Variants in PHF24 observed in about 807,000 individuals in gnomAD.
PHF24 encodes Galpha inhibitory interacting protein.
PHF24 carries 25 observed loss-of-function variants against 42.6 expected under a neutral mutation model. That is an observed-to-expected ratio of 0.59 (90% CI 0.43 to 0.82). The LOEUF is 0.82. Ranked by LOEUF, PHF24 falls within the 40% of genes least tolerant of loss-of-function variation. PHF24 has a pLI of 0.00. For synonymous variants in PHF24, 185 were observed against 204.8 expected (o/e 0.90, Z 0.83); for missense variants, 470 against 538.1 (o/e 0.87, Z 1.25).
the PHF24 span, among the ~76,000 whole-genome samples, chr9:34,747,007 G>A: frequency 6.6e-6 from 1 of 152,164 alleles, no homozygotes; most frequent in African/African-American, 2.4e-5. Flanking sequence ...TTAAAATCAA[G>A]ATCTTTTATT....
chr9:34,766,794 A>G, the PHF24 span, among the ~76,000 whole-genome samples: 3 of 152,060 alleles, frequency 2.0e-5, no homozygotes, highest in Non-Finnish European at 2.9e-5. Flanking sequence ...TAGAGTTTCC[A>G]GTTTTTCTGC....
chr9:34,805,056 T>C, the PHF24 span, among the ~76,000 whole-genome samples: 1 of 152,260 alleles, frequency 6.6e-6, no homozygotes, highest in Non-Finnish European at 1.5e-5. Flanking sequence ...TTTTAATGGC[T>C]GAATAATATT....
At chr9:34,795,735 A>G in the PHF24 span, among the ~76,000 whole-genome samples, 1 of 152,144 alleles carries the variant, frequency 6.6e-6, no homozygotes, top group South Asian at 2.1e-4. Context: ...AGTGGCTCAC[A>G]CCTGTAATCC....
At chr9:34,815,289 T>G in the PHF24 span, among the ~76,000 whole-genome samples, 1 of 151,638 alleles carries the variant, frequency 6.6e-6, no homozygotes, top group African/African-American at 2.4e-5. Context: ...TTATTTGGAT[T>G]TGGACTTTGT....
At chr9:34,805,179 AG>A in the PHF24 span, among the ~76,000 whole-genome samples, 1 of 152,136 alleles carries the variant, frequency 6.6e-6, no homozygotes, top group African/African-American at 2.4e-5. Flanking sequence ...TTCATGTAAA[AG>A]TTTTTGTGTG....
At chr9:34,815,383 C>T in the PHF24 span, among the ~76,000 whole-genome samples, 3 of 152,258 alleles carry the variant, frequency 2.0e-5, no homozygotes, top group East Asian at 1.9e-4. Flanking sequence ...AGTGCAGTGG[C>T]GCTATCTTGG....
chr9:34,710,265 G>T, the PHF24 span: 1 of 591,804 alleles, frequency 1.7e-6, no homozygotes, highest in Non-Finnish European at 3.0e-6. Flanking sequence ...CAAACTAAGT[G>T]GACAGTCCTC....
chr9:34,730,176 G>C, the PHF24 span, among the ~76,000 whole-genome samples: 1 of 152,198 alleles, frequency 6.6e-6, no homozygotes, highest in Non-Finnish European at 1.5e-5. Context: ...GCTGTTCATG[G>C]TTGGATGTAT....
the PHF24 span, among the ~76,000 whole-genome samples, chr9:34,845,711 T>C: frequency 6.6e-6 from 1 of 151,180 alleles, no homozygotes; most frequent in African/African-American, 2.4e-5. Context: ...AACTCCTCAT[T>C]TAGCATTAGG....
the PHF24 span, chr9:34,833,577 T>C: frequency 6.4e-7 from 1 of 1,550,778 alleles, no homozygotes; most frequent in African/African-American, 1.4e-5. Context: ...TTCCTTGCCC[T>C]AATGGGAATT....
chr9:34,967,537 G>A (rs888186664), intron 1 of PHF24, among the ~76,000 whole-genome samples: 1 of 152,210 alleles, frequency 6.6e-6, no homozygotes, highest in Non-Finnish European at 1.5e-5. Context: ...TCTGGAAAAT[G>A]TAATTGCTCA....
the PHF24 span, among the ~76,000 whole-genome samples, chr9:34,847,523 A>G: frequency 6.6e-6 from 1 of 151,888 alleles, no homozygotes; most frequent in Non-Finnish European, 1.5e-5. Context: ...GGTTTTCTAG[A>G]TATACAATCA....
At chr9:34,856,808 C>T in the PHF24 span, among the ~76,000 whole-genome samples, 54 of 152,342 alleles carry the variant, frequency 3.5e-4, no homozygotes, top group African/African-American at 1.3e-3. Context: ...CTTGGCAGAG[C>T]AGGTGTGCTG....
the PHF24 span, among the ~76,000 whole-genome samples, chr9:34,819,364 T>G: frequency 2.0e-5 from 3 of 152,110 alleles, 1 homozygote; most frequent in Non-Finnish European, 4.4e-5. Context: ...GGTGGAATCT[T>G]AATTTATTTG....
the PHF24 span, among the ~76,000 whole-genome samples, chr9:34,752,593 A>C: frequency 6.6e-6 from 1 of 152,194 alleles, no homozygotes; most frequent in African/African-American, 2.4e-5. Flanking sequence ...TCACTGCTGA[A>C]TTTTACCAAA....
At chr9:34,776,995 G>A in the PHF24 span, among the ~76,000 whole-genome samples, 1 of 152,226 alleles carries the variant, frequency 6.6e-6, no homozygotes, top group Admixed American at 6.5e-5. Context: ...AGCATCAGTG[G>A]TATCTGTAAT....
At chr9:34,898,099 C>T in the PHF24 span, among the ~76,000 whole-genome samples, 2 of 152,160 alleles carry the variant, frequency 1.3e-5, no homozygotes, top group Non-Finnish European at 2.9e-5. Flanking sequence ...GTTGGTTCTA[C>T]GTTTTTGCGA....
chr9:34,750,134 A>T, the PHF24 span, among the ~76,000 whole-genome samples: 1 of 152,232 alleles, frequency 6.6e-6, no homozygotes, highest in South Asian at 2.1e-4. Context: ...ATCCAAATGT[A>T]CAAAACTTAC....
At chr9:34,716,180 G>A in the PHF24 span, among the ~76,000 whole-genome samples, 25 of 152,278 alleles carry the variant, frequency 1.6e-4, no homozygotes, top group Admixed American at 1.1e-3. Flanking sequence ...TCAGTTTCTC[G>A]GAGTCATAAG....
Sources: gnomAD v4.1 joint callset for allele counts (sites outside exome capture counted in the v4.1 genomes callset) on GRCh38, gnomAD v4.1.1 for gene constraint, MANE v1.5 for transcripts, NCBI Gene and HGNC (gene_info 2026-07-23, HGNC 2026-07-21) for gene names.